PIP5K1C: variants seen among roughly 807,000 people sequenced by gnomAD.
The protein encoded by PIP5K1C is phosphatidylinositol 4-phosphate 5-kinase type-1 gamma.
Under a neutral mutation model 80.1 loss-of-function variants are expected in PIP5K1C, and 45 were observed. The observed-to-expected ratio is 0.56, with a 90% CI of 0.44 to 0.72. PIP5K1C has a LOEUF of 0.72. Ranked by LOEUF, PIP5K1C falls within the 30% of genes least tolerant of loss-of-function variation. The pLI is 0.00. For synonymous variants in PIP5K1C, 498 were observed against 420.1 expected, an observed-to-expected ratio of 1.19 and a Z score of -2.27; for missense variants, 753 against 954.6, an observed-to-expected ratio of 0.79 and a Z score of 2.78.
chr19:3,656,381 T>C (rs764564764), intron 6 of PIP5K1C, 24 bp downstream of exon 6: 1 of 1,612,518 alleles, frequency 6.2e-7, no homozygotes, highest in African/African-American at 1.3e-5. Flanking sequence ...AGGAGCCATC[T>C]GCCCCGCAGG....
chr19:3,700,327 C>A lies in PIP5K1C; in HGVS notation c.64G>T (p.Ala22Ser). The A allele has an allele frequency of 7.7e-7, 1 of 1,297,246 alleles. No individual in the cohort carries two copies. Among genetic ancestry groups the A allele is most frequent in the Non-Finnish European group, 9.9e-7 (1 of 1,006,252 alleles). The allele number at this position is 1,297,246 out of a possible 1,614,324, so 80.4% of individuals were successfully genotyped here. ...AEAGAVPSEA[A>S]WAAESGAAAG... is the part of the protein sequence containing the mutation. ...GCCGCCCCGCTCTCTGCCGCCCACGCCGCCTCCGAGGGCACGGCCCCCGCC... is the reference window on the plus strand; with the variant it reads ...GCCGCCCCGCTCTCTGCCGCCCACGACGCCTCCGAGGGCACGGCCCCCGCC... The change falls in exon 1 of 18, where the codon GCG becomes TCG. Residue 22 changes from alanine to serine, a missense_variant. Coordinates refer to ENST00000335312, the MANE Select transcript of PIP5K1C (RefSeq NM_012398.3).
intron 1 of PIP5K1C, among the ~76,000 whole-genome samples, chr19:3,685,950 C>T (rs973615025): frequency 1.3e-5 from 2 of 151,922 alleles, no homozygotes; most frequent in Non-Finnish European, 2.9e-5. Flanking sequence ...CAGCCTCCAA[C>T]TCCTGGGCTC....
Position 3,662,028 on chromosome 19 carries a change from C to T in PIP5K1C, c.220-27G>A, listed in dbSNP as rs1391415235. On this transcript the variant is annotated intron_variant, in intron 3 of 17. Coordinates refer to ENST00000335312, the MANE Select transcript of PIP5K1C (RefSeq NM_012398.3). The stretch of plus-strand genomic sequence containing the variant: ...TGCAGGGAGACCAGAGTGTCAGGGC[C>T]CCCGGCTGCTCCCCACGCTGCCCTG... 3.8e-6 allele frequency: 6 copies of T among 1,563,298 alleles called. No homozygotes were observed. In the African/African-American group the frequency reaches 5.4e-5, roughly 14 times the overall value.
At chr19:3,656,172 C>T (rs943206819) in intron 6 of PIP5K1C, among the ~76,000 whole-genome samples, 1 of 152,188 alleles carries the variant, frequency 6.6e-6, no homozygotes, top group African/African-American at 2.4e-5. Flanking sequence ...CAGCCCTGCC[C>T]GGGGACGGCC....
chr19:3,650,859 C>T (rs1041235500), intron 8 of PIP5K1C, among the ~76,000 whole-genome samples: 7 of 152,060 alleles, frequency 4.6e-5, no homozygotes, highest in Admixed American at 1.3e-4. Flanking sequence ...TGGGTTCAAG[C>T]GATTCTCCTG....
At chr19:3,661,268 C>T (rs1015176519) in intron 4 of PIP5K1C, among the ~76,000 whole-genome samples, 185 bp from the exon 5 acceptor site, 1 of 152,134 alleles carries the variant, frequency 6.6e-6, no homozygotes, top group African/African-American at 2.4e-5. Flanking sequence ...CCAGTAACCA[C>T]CCTCTCTTCT....
At chr19:3,663,157 C>T (rs745595508) in intron 3 of PIP5K1C, among the ~76,000 whole-genome samples, 10 of 152,138 alleles carry the variant, frequency 6.6e-5, no homozygotes, top group East Asian at 1.9e-4. Flanking sequence ...TGAGCCTCCG[C>T]GCCCGGCCGG....
chr19:3,652,982 G>C (rs1178492567), intron 7 of PIP5K1C, among the ~76,000 whole-genome samples: 1 of 152,212 alleles, frequency 6.6e-6, no homozygotes, highest in African/African-American at 2.4e-5. Flanking sequence ...TAAGTGTTTT[G>C]TTTTCTTTGT....
rs1568308266 is a variant in PIP5K1C, at chr19:3,637,620, G to A, written c.1920+1264C>T. ...AGTACCTCCCATCCGTGAACTGGAC[G>A]GGGCGGGCCGGGTGGGCCGGAGGAG... On this transcript the variant is annotated intron_variant, in intron 16 of 17. Coordinates refer to ENST00000335312, the MANE Select transcript of PIP5K1C (RefSeq NM_012398.3). The surrounding 1 kb of genome is among the most constrained non-coding windows in gnomAD (Gnocchi z 7.0). The A allele has an allele frequency of 3.9e-6, 6 of 1,522,112 alleles. No homozygotes were observed. The highest frequency in any genetic ancestry group is 4.9e-5 in the East Asian group (2 of 40,630). The allele number at this position is 1,522,112 out of a possible 1,614,324, so 94.3% of individuals were successfully genotyped here.
rs941386489 is a variant in PIP5K1C at position 3,632,229 on chromosome 19, G to C, written c.*938C>G. The C allele has an allele frequency of 6.6e-6, 1 of 152,342 alleles. No individual in the cohort carries two copies. The highest frequency in any genetic ancestry group is 6.5e-5 in the Admixed American group (1 of 15,292). 9.4% of individuals were successfully genotyped at this position (152,342 alleles called of 1,614,324 possible). ...AGCCGGGCCTGGCCCCCTAGGCCATGTCTCCACGTGGAGGGGGCGGGGAGC... is the reference window on the plus strand; with the variant it reads ...AGCCGGGCCTGGCCCCCTAGGCCATCTCTCCACGTGGAGGGGGCGGGGAGC... On this transcript the variant is annotated 3_prime_UTR_variant, in exon 18 of 18. Transcript: ENST00000335312.
At position 3,632,941 on chromosome 19, in the gene PIP5K1C, G is replaced by C; in HGVS notation, c.*226C>G. The C allele has an allele frequency of 1.9e-6, 1 of 531,702 alleles. No homozygotes were observed. Among genetic ancestry groups the C allele is most frequent in the Non-Finnish European group, 3.3e-6 (1 of 300,870 alleles). The allele number at this position is 531,702 out of a possible 1,614,324, so 32.9% of individuals were successfully genotyped here. On this transcript the variant is annotated 3_prime_UTR_variant, in exon 18 of 18. Transcript: ENST00000335312. ...GACTCAAATGCGATTGGCCGCTCGG[G>C]AGGGTGGGTCTCACAGGGGCAGGCT...
intron 1 of PIP5K1C, 129 bp from the exon 2 acceptor site, chr19:3,667,482 G>A: frequency 1.0e-6 from 1 of 986,318 alleles, no homozygotes; most frequent in South Asian, 1.3e-5. Flanking sequence ...CTGGTCTCAA[G>A]GCTACACACA....
chr19:3,637,755 T>C lies in PIP5K1C; in HGVS notation c.1920+1129A>G. The C allele has an allele frequency of 6.7e-7, 1 of 1,501,446 alleles. No individual in the cohort carries two copies. The highest frequency in any genetic ancestry group is 2.0e-5 in the Admixed American group (1 of 49,034). 93.0% of individuals were successfully genotyped at this position (1,501,446 alleles called of 1,614,324 possible). A position where few individuals can be genotyped will look rare whatever the true frequency, so the allele number is the denominator to read the frequency against. On this transcript the variant is annotated intron_variant, in intron 16 of 17. Coordinates refer to ENST00000335312, the MANE Select transcript of PIP5K1C (RefSeq NM_012398.3). The surrounding 1 kb of genome is among the most constrained non-coding windows in gnomAD (Gnocchi z 7.0). ...GGACAGCTGACTGCCAAGCAGAAGG[T>C]GGGGGGTGCCGGGGCAGGGGCAGGA...
In PIP5K1C at chr19:3,637,854, C is replaced by G. The variant is rs2033769443; in HGVS notation, c.1920+1030G>C. 6.5e-7 allele frequency: 1 copy of G among 1,535,378 alleles called. No individual in the cohort carries two copies. Among genetic ancestry groups the G allele is most frequent in the African/African-American group, 1.4e-5 (1 of 73,134 alleles). ...ACACAGACACACAGCACGACATGGC[C>G]CCCAGGCCCCCCGTACCATCCGGAG... On this transcript the variant is annotated intron_variant, in intron 16 of 17. Coordinates refer to ENST00000335312, the MANE Select transcript of PIP5K1C (RefSeq NM_012398.3). This position sits in a 1 kb window ranked among gnomAD's most constrained non-coding sequence, Gnocchi z 7.0.
Position 3,691,965 on chromosome 19 carries a change from C to T in PIP5K1C, c.94+8332G>A, listed in dbSNP as rs192005895. 2.0e-5 allele frequency among the ~76,000 whole-genome samples: 3 copies of T among 152,272 alleles called. No homozygotes were observed. In the East Asian group the frequency reaches 5.8e-4, roughly 29 times the overall value. Reference sequence around the variant, plus strand: ...AGGCCCCGAGGCAGCTGCTCCCACCCCAGGCTCTTTTCCCTGCCCCAGCAG... The same window carrying T: ...AGGCCCCGAGGCAGCTGCTCCCACCTCAGGCTCTTTTCCCTGCCCCAGCAG... On this transcript the variant is annotated intron_variant, in intron 1 of 17. Transcript: ENST00000335312.
intron 6 of PIP5K1C, among the ~76,000 whole-genome samples, chr19:3,655,813 G>A (rs1443782143): frequency 3.3e-5 from 5 of 152,188 alleles, no homozygotes; most frequent in Admixed American, 2.0e-4. Context: ...CGCCCACCTC[G>A]TCTGGGCGAG....
intron 6 of PIP5K1C, 51 bp from the exon 7 acceptor site, chr19:3,653,640 C>T (rs1252918354): frequency 3.9e-6 from 6 of 1,536,562 alleles, no homozygotes; most frequent in Middle Eastern, 2.2e-4. Flanking sequence ...CACAGACTCA[C>T]GGGGGCGGGC....
In PIP5K1C at chr19:3,700,407, C is replaced by T; in HGVS notation, c.-17G>A. ...CAGCTCCATGGCCGCGCGCGGACGG[C>T]GGCGGGGGCGCCCGAGGGGGACCCG... On this transcript the variant is annotated 5_prime_UTR_variant, in exon 1 of 18. Coordinates refer to ENST00000335312, the MANE Select transcript of PIP5K1C (RefSeq NM_012398.3). 2.7e-6 allele frequency: 3 copies of T among 1,095,142 alleles called. No individual in the cohort carries two copies. Among genetic ancestry groups the T allele is most frequent in the Non-Finnish European group, 1.1e-6 (1 of 899,998 alleles). The allele number at this position is 1,095,142 out of a possible 1,614,324, so 67.8% of individuals were successfully genotyped here.
chr19:3,663,427 C>A (rs16991985), intron 3 of PIP5K1C, among the ~76,000 whole-genome samples: 2 of 152,056 alleles, frequency 1.3e-5, no homozygotes, highest in African/African-American at 2.4e-5. Flanking sequence ...TTCACCTCCC[C>A]GAGATGCCAC....
Sources: gnomAD v4.1 joint callset for allele counts (sites outside exome capture counted in the v4.1 genomes callset) on GRCh38, gnomAD v4.1.1 for gene constraint, Gnocchi (gnomAD v3.1) non-coding constraint, MANE v1.5 for transcripts, NCBI Gene and HGNC (gene_info 2026-07-23, HGNC 2026-07-21) for gene names.